Variants in FRMD5 observed in about 807,000 individuals in gnomAD.
FRMD5 encodes FERM domain containing 5, also known as FERM domain-containing protein 5.
FRMD5 carries 20 observed loss-of-function variants against 69.0 expected under a neutral mutation model. The ratio of observed to expected loss-of-function variants is 0.29; its 90% CI spans 0.20 to 0.42. FRMD5 has a LOEUF of 0.42. Among genes scored for constraint, FRMD5 ranks in the 10% least tolerant of loss-of-function variants. The probability of loss-of-function intolerance (pLI) is 1.00; values close to 1 mark genes in which losing one functional copy is unlikely to be tolerated. For missense variants in FRMD5, 595 were observed against 708.6 expected (o/e 0.84, Z 1.82); for synonymous variants, 271 against 260.1 (o/e 1.04, Z -0.40).
intron 1 of FRMD5, among the ~76,000 whole-genome samples, chr15:44,138,075 T>C (rs1468551486): frequency 6.6e-6 from 1 of 152,106 alleles, no homozygotes; most frequent in East Asian, 1.9e-4. Context: ...ACAAAACTGA[T>C]AGGCTGGGTA....
At chr15:44,007,637 A>ATTTTTTTTTTTTTTTTTTTTTTTTTT (rs35512441) in intron 1 of FRMD5, among the ~76,000 whole-genome samples, 1 of 81,146 alleles carries the variant, frequency 1.2e-5, no homozygotes, top group African/African-American at 4.9e-5. Flanking sequence ...TAATTAACTA[A>ATTTTTTTTTTTTTTTTTTTTTTTTTT]TTTTTTTTTT....
In FRMD5 at chr15:43,900,958, CAT is replaced by C. The variant is rs2089032350; in HGVS notation, c.639+1215_639+1216del. ...GCTATACACTGTGTCTTCAAAAATT[CAT>C]ATGTTGACATTGTAACCCTCAGTAC... On this transcript the variant is annotated intron_variant, in intron 7 of 13. Transcript: ENST00000417257. Among the ~76,000 whole-genome samples, 6 of 152,252 alleles carry C rather than the reference CAT, an allele frequency of 3.9e-5. No homozygotes were observed. The South Asian group carries it at 1.2e-3, about 32-fold the overall frequency.
rs187516434 is a variant in FRMD5, at chr15:43,990,776, G to C, written c.103-66467C>G. On this transcript the variant is annotated intron_variant, in intron 1 of 13. Coordinates refer to ENST00000417257, the MANE Select transcript of FRMD5 (RefSeq NM_032892.5). ...TAAGAGACTAAAAAAACTGGCCATA[G>C]AAAAACTGTTTAAGGAACTTGATAG... 4.8e-4 allele frequency among the ~76,000 whole-genome samples: 73 copies of C among 152,180 alleles called. 1 individual carries two copies. Among genetic ancestry groups the C allele is most frequent in the Non-Finnish European group, 3.4e-4 (23 of 68,020 alleles).
chr15:43,948,574 T>G (rs1173004450), intron 1 of FRMD5, among the ~76,000 whole-genome samples: 1 of 152,244 alleles, frequency 6.6e-6, no homozygotes, highest in African/African-American at 2.4e-5. Flanking sequence ...ATGTAGCAAT[T>G]ACAAGCCTAA....
At chr15:44,168,278 G>A (rs1051629864) in intron 1 of FRMD5, among the ~76,000 whole-genome samples, 2 of 152,182 alleles carry the variant, frequency 1.3e-5, no homozygotes, top group African/African-American at 4.8e-5. Flanking sequence ...AAGCAAGAGG[G>A]AATAATGTTA....
intron 1 of FRMD5, among the ~76,000 whole-genome samples, chr15:44,192,918 T>C (rs981447108): frequency 2.2e-4 from 34 of 152,348 alleles, no homozygotes; most frequent in African/African-American, 7.7e-4. Context: ...GTGGCCTAGA[T>C]ATTTTATAAA....
chr15:44,055,311 C>A (rs1378183055), intron 1 of FRMD5, among the ~76,000 whole-genome samples: 2 of 152,092 alleles, frequency 1.3e-5, no homozygotes, highest in Non-Finnish European at 2.9e-5. Context: ...GTAGAAGCAT[C>A]AAACACAAGA....
chr15:44,173,321 T>C (rs2077836504), intron 1 of FRMD5, among the ~76,000 whole-genome samples: 1 of 152,158 alleles, frequency 6.6e-6, no homozygotes, highest in South Asian at 2.1e-4. Context: ...ATAAAAACTA[T>C]TTCATTTTTT....
chr15:44,121,078 G>A (rs2076943101), intron 1 of FRMD5, among the ~76,000 whole-genome samples: 1 of 151,924 alleles, frequency 6.6e-6, no homozygotes, highest in Non-Finnish European at 1.5e-5. Flanking sequence ...ATAACCCCCT[G>A]AAGGAAGGAA....
intron 4 of FRMD5, among the ~76,000 whole-genome samples, chr15:43,910,407 C>T (rs777520338): frequency 2.6e-5 from 4 of 151,820 alleles, no homozygotes; most frequent in Non-Finnish European, 5.9e-5. Flanking sequence ...AGGAACTAGC[C>T]CAGGAAGAGT....
At chr15:44,181,386 T>C (rs561044984) in intron 1 of FRMD5, among the ~76,000 whole-genome samples, 16 of 152,038 alleles carry the variant, frequency 1.1e-4, no homozygotes, top group African/African-American at 3.6e-4. Flanking sequence ...ATACACAAAA[T>C]TGCAAAAAAT....
chr15:44,014,245 T>C (rs1043225185), intron 1 of FRMD5, among the ~76,000 whole-genome samples: 1 of 151,984 alleles, frequency 6.6e-6, no homozygotes, highest in Admixed American at 6.6e-5. Context: ...GGAAAAGCAG[T>C]CTGAGGAAAG....
At chr15:44,098,121 A>AAAAAAAACT (rs2076581548) in intron 1 of FRMD5, among the ~76,000 whole-genome samples, 1 of 2,600 alleles carries the variant, frequency 3.8e-4, no homozygotes, top group Admixed American at 0.013. Flanking sequence ...AAAACAAAAA[A>AAAAAAAACT]AAAAAAACTA....
chr15:43,873,349 A>AAAC lies in FRMD5; in HGVS notation c.*533_*535dup. 3.4e-6 allele frequency: 5 copies of AAAC among 1,475,404 alleles called. No individual in the cohort carries two copies. The highest frequency in any genetic ancestry group is 2.4e-5 in the Admixed American group (1 of 40,840). The allele number at this position is 1,475,404 out of a possible 1,614,324, so 91.4% of individuals were successfully genotyped here. A position where few individuals can be genotyped will look rare whatever the true frequency, so the allele number is the denominator to read the frequency against. On this transcript the variant is annotated 3_prime_UTR_variant, in exon 14 of 14. Coordinates refer to ENST00000417257, the MANE Select transcript of FRMD5 (RefSeq NM_032892.5). ...AAAAGTTCTGGCTGGCAAAAAAAAC[A>AAAC]AACAAAAAACTAAACAGTCCCCATT...
chr15:44,175,968 A>G (rs1290100696), intron 1 of FRMD5, among the ~76,000 whole-genome samples: 1 of 152,232 alleles, frequency 6.6e-6, no homozygotes, highest in Non-Finnish European at 1.5e-5. Context: ...TGCTGAATTG[A>G]TCAACAGATT....
intron 1 of FRMD5, among the ~76,000 whole-genome samples, chr15:44,144,421 C>A (rs1039335975): frequency 2.0e-5 from 3 of 152,114 alleles, no homozygotes; most frequent in Non-Finnish European, 2.9e-5. Flanking sequence ...GCCAAGGACA[C>A]AGTAAATCAG....
chr15:44,154,466 G>T (rs993899149), intron 1 of FRMD5, among the ~76,000 whole-genome samples: 1 of 152,116 alleles, frequency 6.6e-6, no homozygotes, highest in African/African-American at 2.4e-5. Context: ...GGGCACCAAA[G>T]CTTTTACTTT....
intron 1 of FRMD5, among the ~76,000 whole-genome samples, chr15:44,004,595 T>C (rs567350780): frequency 7.9e-5 from 12 of 152,368 alleles, no homozygotes; most frequent in African/African-American, 2.9e-4. Context: ...CCATAGAAGA[T>C]GGCAAACTTA....
chr15:44,012,405 A>G (rs997925894), intron 1 of FRMD5, among the ~76,000 whole-genome samples: 1 of 152,246 alleles, frequency 6.6e-6, no homozygotes, highest in African/African-American at 2.4e-5. Flanking sequence ...AAGCTTTCTT[A>G]GAACTTAAGT....
Sources: allele counts gnomAD v4.1 joint callset (sites outside exome capture counted in the v4.1 genomes callset), GRCh38; gene constraint gnomAD v4.1.1; transcripts MANE v1.5; gene names NCBI Gene and HGNC (gene_info 2026-07-23, HGNC 2026-07-21).